KCNH8: variants seen among roughly 807,000 people sequenced by gnomAD.
The protein encoded by KCNH8 is potassium voltage-gated channel subfamily H member 8.
KCNH8 carries 70 observed loss-of-function variants against 103.6 expected under a neutral mutation model. The ratio of observed to expected loss-of-function variants is 0.68; its 90% CI spans 0.56 to 0.82. KCNH8 has a LOEUF of 0.82. Ranked by LOEUF, KCNH8 falls within the 40% of genes least tolerant of loss-of-function variation. KCNH8 has a pLI of 0.00. For synonymous variants in KCNH8, 498 were observed against 489.4 expected (o/e 1.02, Z -0.23); for missense variants, 1,217 against 1,329.9 (o/e 0.92, Z 1.32).
At chr3:19,433,403 T>C (rs1016310598) in intron 7 of KCNH8, among the ~76,000 whole-genome samples, 4 of 152,202 alleles carry the variant, frequency 2.6e-5, no homozygotes, top group Admixed American at 2.0e-4. Context: ...GTCATACTTT[T>C]TACACAGAGT....
chr3:19,189,144 A>G (rs2063528495), intron 1 of KCNH8, among the ~76,000 whole-genome samples: 2 of 152,076 alleles, frequency 1.3e-5, no homozygotes, highest in African/African-American at 4.8e-5. Context: ...TGAAGAAACA[A>G]CAACAGTTAA....
chr3:19,247,188 TCTG>T (rs2064217513), intron 1 of KCNH8, among the ~76,000 whole-genome samples: 1 of 152,170 alleles, frequency 6.6e-6, no homozygotes, highest in South Asian at 2.1e-4. Context: ...AAATTTTTAA[TCTG>T]CTATTTAAAC....
chr3:19,335,652 C>T (rs924883608), intron 3 of KCNH8, among the ~76,000 whole-genome samples: 2 of 151,622 alleles, frequency 1.3e-5, no homozygotes, highest in Non-Finnish European at 3.0e-5. Flanking sequence ...TTAACACCCT[C>T]TGAAATAGGC....
intron 10 of KCNH8, among the ~76,000 whole-genome samples, chr3:19,453,127 C>A (rs1431655826): frequency 6.6e-6 from 1 of 152,028 alleles, no homozygotes; most frequent in Non-Finnish European, 1.5e-5. Flanking sequence ...CATGTTCTCA[C>A]TTATAATTGG....
chr3:19,277,174 A>G (rs570297856), intron 2 of KCNH8, among the ~76,000 whole-genome samples: 3 of 152,234 alleles, frequency 2.0e-5, no homozygotes, highest in East Asian at 1.9e-4. Flanking sequence ...TAGAGGGTAG[A>G]CTGTTGGTTA....
chr3:19,357,738 A>G (rs1390767512), intron 5 of KCNH8, among the ~76,000 whole-genome samples: 1 of 151,930 alleles, frequency 6.6e-6, no homozygotes, highest in Non-Finnish European at 1.5e-5. Context: ...CTAAGTGTCA[A>G]AAGTAACATG....
intron 2 of KCNH8, among the ~76,000 whole-genome samples, chr3:19,255,414 A>G (rs531968432): frequency 3.3e-4 from 50 of 152,272 alleles, no homozygotes; most frequent in Non-Finnish European, 5.6e-4. Context: ...GTGCAAACAG[A>G]GACAGTTTGA....
At chr3:19,174,222 A>G (rs986869064) in intron 1 of KCNH8, among the ~76,000 whole-genome samples, 2 of 152,066 alleles carry the variant, frequency 1.3e-5, no homozygotes, top group African/African-American at 4.8e-5. Context: ...TTTTTCAGTA[A>G]TGTTCTGGCA....
chr3:19,399,888 A>T (rs1172099817), intron 7 of KCNH8, among the ~76,000 whole-genome samples: 5 of 149,962 alleles, frequency 3.3e-5, no homozygotes, highest in Admixed American at 3.3e-4. Context: ...ACTCAGAATT[A>T]GAAGGATACA....
intron 7 of KCNH8, among the ~76,000 whole-genome samples, chr3:19,412,276 G>T (rs2066792174): frequency 6.6e-6 from 1 of 151,822 alleles, no homozygotes; most frequent in Non-Finnish European, 1.5e-5. Flanking sequence ...GAAGTCAGCA[G>T]AAATAAGCAA....
intron 1 of KCNH8, among the ~76,000 whole-genome samples, chr3:19,183,392 T>C (rs1559412605): frequency 6.6e-6 from 1 of 152,062 alleles, no homozygotes; most frequent in Non-Finnish European, 1.5e-5. Context: ...CATTAAATTA[T>C]AGTAAGTAGG....
intron 11 of KCNH8, among the ~76,000 whole-genome samples, 198 bp downstream of exon 11, chr3:19,457,180 A>C (rs538032816): frequency 6.6e-6 from 1 of 152,096 alleles, no homozygotes; most frequent in African/African-American, 2.4e-5. Flanking sequence ...TTCTAGGAAA[A>C]TATTTTTCAT....
intron 15 of KCNH8, among the ~76,000 whole-genome samples, chr3:19,518,695 T>C (rs1446186402): frequency 6.6e-6 from 1 of 152,046 alleles, no homozygotes; most frequent in East Asian, 1.9e-4. Context: ...TTAGGATATA[T>C]TTTCTTCCCC....
chr3:19,399,353 C>G (rs1403620986), intron 7 of KCNH8, among the ~76,000 whole-genome samples: 1 of 151,860 alleles, frequency 6.6e-6, no homozygotes, highest in African/African-American at 2.4e-5. Flanking sequence ...TTTCTTATAT[C>G]TCAGTTAATA....
chr3:19,505,764 T>C (rs964162897), intron 11 of KCNH8, among the ~76,000 whole-genome samples: 3 of 152,230 alleles, frequency 2.0e-5, no homozygotes, highest in African/African-American at 7.2e-5. Context: ...TTTTCCAGGT[T>C]GCTTGCTTTC....
intron 1 of KCNH8, among the ~76,000 whole-genome samples, chr3:19,170,590 A>C (rs565433067): frequency 1.3e-4 from 18 of 143,442 alleles, no homozygotes; most frequent in East Asian, 4.0e-4. Context: ...GCATCTATAT[A>C]TATATATATA....
chr3:19,228,197 T>C (rs1044686378), intron 1 of KCNH8, among the ~76,000 whole-genome samples: 4 of 152,346 alleles, frequency 2.6e-5, no homozygotes, highest in African/African-American at 9.6e-5. Flanking sequence ...TATTAATAAA[T>C]GTTCAAAAGA....
chr3:19,513,205 C>A lies in KCNH8; in HGVS notation c.2315C>A (p.Ser772Ter). 6.2e-7 allele frequency: 1 copy of A among 1,613,822 alleles called. No homozygotes were observed. Among genetic ancestry groups the A allele is most frequent in the Non-Finnish European group, 8.5e-7 (1 of 1,179,928 alleles). Reference sequence around the variant, plus strand: ...CACTCGCCTATCAGAGTCTCCAGGTCAAATTCCCCCAAAACCAAGCAGGAA... The same window carrying A: ...CACTCGCCTATCAGAGTCTCCAGGTAAAATTCCCCCAAAACCAAGCAGGAA... The part of the protein sequence containing the change: ...PFHSPIRVSR[S>*]NSPKTKQEID... Residue 772 changes from serine (S) to a stop codon, truncating the protein, a stop_gained, in exon 13 of 16, where the codon TCA becomes TAA. Coordinates refer to ENST00000328405, the MANE Select transcript of KCNH8 (RefSeq NM_144633.3). LOFTEE classifies it high-confidence loss of function.
Position 19,299,003 on chromosome 3 carries a change from G to A in KCNH8, c.442+17674G>A, listed in dbSNP as rs1188176575. Among the ~76,000 whole-genome samples the A allele has an allele frequency of 2.0e-5, 3 of 151,420 alleles. No individual in the cohort carries two copies. The East Asian group carries it at 5.8e-4, about 29-fold the overall frequency. On this transcript the variant is annotated intron_variant, in intron 3 of 15. Coordinates refer to ENST00000328405, the MANE Select transcript of KCNH8 (RefSeq NM_144633.3). ...TAAATAAGAGGGGTGCTTTGGAGTT[G>A]ATGAAGGAAGAGACAAAGCCTATGT... is the stretch of plus-strand genomic sequence containing the variant.
Sources: gnomAD v4.1 joint callset for allele counts (sites outside exome capture counted in the v4.1 genomes callset) on GRCh38, gnomAD v4.1.1 for gene constraint, MANE v1.5 for transcripts, NCBI Gene and HGNC (gene_info 2026-07-23, HGNC 2026-07-21) for gene names.